The following ROR1 variants were observed in gnomAD, a reference collection of about 807,000 sequenced individuals.
ROR1 encodes the protein inactive tyrosine-protein kinase transmembrane receptor ROR1.
ROR1 carries 19 observed loss-of-function variants against 78.8 expected under a neutral mutation model. The observed-to-expected ratio is 0.24, with a 90% CI of 0.17 to 0.35. ROR1 has a LOEUF of 0.35. ROR1 is among the 10% of genes least tolerant of loss of function. ROR1 has a pLI of 1.00. For synonymous variants in ROR1, 386 were observed against 433.6 expected (o/e 0.89, Z 1.36); for missense variants, 917 against 1,177.8 (o/e 0.78, Z 3.24).
intron 1 of ROR1, among the ~76,000 whole-genome samples, chr1:63,957,786 A>T (rs1569973544): frequency 6.8e-6 from 1 of 146,116 alleles, no homozygotes; most frequent in South Asian, 2.1e-4. Context: ...CCTGTTGCCC[A>T]GGCTGGAGTG....
chr1:63,983,394 G>C (rs1646226006), intron 1 of ROR1, among the ~76,000 whole-genome samples: 1 of 152,200 alleles, frequency 6.6e-6, no homozygotes, highest in Non-Finnish European at 1.5e-5. Flanking sequence ...TAGTGTTTCA[G>C]CTGTGCCTAT....
chr1:64,026,287 C>T (rs1218511187), intron 2 of ROR1, among the ~76,000 whole-genome samples: 3 of 152,272 alleles, frequency 2.0e-5, no homozygotes, highest in Admixed American at 6.5e-5. Context: ...TACTTGATCA[C>T]TTTGAGCTAT....
chr1:63,791,950 T>C (rs752862900), intron 1 of ROR1, among the ~76,000 whole-genome samples: 7 of 152,132 alleles, frequency 4.6e-5, no homozygotes, highest in Non-Finnish European at 1.0e-4. Flanking sequence ...TCATTCTTGA[T>C]ACTGAGGGTA....
At chr1:63,966,062 T>C (rs1025119981) in intron 1 of ROR1, among the ~76,000 whole-genome samples, 1 of 152,224 alleles carries the variant, frequency 6.6e-6, no homozygotes, top group Non-Finnish European at 1.5e-5. Flanking sequence ...TTGGGTGTAG[T>C]GCCTGACACA....
Position 64,134,664 on chromosome 1 carries a change from T to A in ROR1, c.483-2705T>A, listed in dbSNP as rs112369939. Among the ~76,000 whole-genome samples the A allele has an allele frequency of 8.4e-3, 1,270 of 151,976 alleles. 10 individuals are homozygous for A. The highest frequency in any genetic ancestry group is 0.03 in the African/African-American group (1,223 of 41,424). ...TTTAAGCATAGATACCTAAGCCTCA[T>A]CCCCAGAGACTATGATTTAATAGGT... is the stretch of plus-strand genomic sequence containing the variant. On this transcript the variant is annotated intron_variant, in intron 4 of 8. Coordinates refer to ENST00000371079, the MANE Select transcript of ROR1 (RefSeq NM_005012.4).
intron 2 of ROR1, among the ~76,000 whole-genome samples, chr1:64,024,892 T>G (rs544909484): frequency 9.2e-5 from 14 of 152,246 alleles, no homozygotes; most frequent in Non-Finnish European, 1.8e-4. Context: ...GTAGCCAGTT[T>G]ATCTCTAACA....
chr1:63,860,727 C>G (rs1645175879), intron 1 of ROR1, among the ~76,000 whole-genome samples: 1 of 147,610 alleles, frequency 6.8e-6, no homozygotes, highest in Non-Finnish European at 1.5e-5. Context: ...AGAGATCGCA[C>G]CACTGCACTC....
intron 4 of ROR1, among the ~76,000 whole-genome samples, chr1:64,123,221 T>C (rs1239572480): frequency 6.6e-6 from 1 of 152,228 alleles, no homozygotes; most frequent in East Asian, 1.9e-4. Context: ...CCTCTATGTC[T>C]CTGCAAATAT....
intron 1 of ROR1, among the ~76,000 whole-genome samples, chr1:63,993,613 A>G (rs891499174): frequency 2.0e-5 from 3 of 152,360 alleles, no homozygotes; most frequent in African/African-American, 7.2e-5. Context: ...ATATTGTTGT[A>G]TACACACTAT....
chr1:63,794,435 A>C (rs966986320), intron 1 of ROR1, among the ~76,000 whole-genome samples: 6 of 152,172 alleles, frequency 3.9e-5, no homozygotes, highest in African/African-American at 1.4e-4. Context: ...TCAGTGCCTG[A>C]GTCTGGCATC....
At chr1:64,062,078 G>A (rs756435471) in intron 4 of ROR1, among the ~76,000 whole-genome samples, 29 of 152,288 alleles carry the variant, frequency 1.9e-4, no homozygotes, top group Non-Finnish European at 3.1e-4. Context: ...GATATTGTGC[G>A]CTCCTGGGTG....
At chr1:64,083,654 G>T (rs1199613993) in intron 4 of ROR1, among the ~76,000 whole-genome samples, 4 of 150,912 alleles carry the variant, frequency 2.7e-5, no homozygotes, top group African/African-American at 7.3e-5. Context: ...GAAGAGAAAA[G>T]CTACTGAGGC....
chr1:63,906,871 A>G (rs930653410), intron 1 of ROR1, among the ~76,000 whole-genome samples: 1 of 144,536 alleles, frequency 6.9e-6, no homozygotes, highest in Non-Finnish European at 1.5e-5. Flanking sequence ...TTTTTGTCAA[A>G]AGAAAAGTCC....
Position 64,140,378 on chromosome 1 carries a change from G to A in ROR1, c.880G>A (p.Ala294Thr), listed in dbSNP as rs760121416. ...CCCCCAGCCAGAGAGCCCAGAAGCT[G>A]CGAACTGTATCCGGATTGGAATTCC... ...DLPQPESPEA[A>T]NCIRIGIPMA... The change falls in exon 6 of 9, where the codon GCG becomes ACG. Residue 294 changes from alanine to threonine, a missense_variant. Physicochemically the swap from Ala to Thr is moderately conservative, Grantham distance 58. This residue lies in a region of ROR1 where 835 missense variants were observed against 1,069.8 expected (regional missense o/e 0.78). Coordinates refer to ENST00000371079, the MANE Select transcript of ROR1 (RefSeq NM_005012.4). The A allele has an allele frequency of 1.5e-5, 25 of 1,614,136 alleles. No homozygotes were observed. The highest frequency in any genetic ancestry group is 2.0e-5 in the Non-Finnish European group (24 of 1,180,010).
intron 1 of ROR1, among the ~76,000 whole-genome samples, chr1:63,985,177 A>C (rs1469801681): frequency 6.6e-6 from 1 of 152,082 alleles, no homozygotes; most frequent in East Asian, 1.9e-4. Flanking sequence ...TCCTGATCTC[A>C]ATTTGTTGTG....
intron 4 of ROR1, among the ~76,000 whole-genome samples, chr1:64,079,590 G>A (rs566940028): frequency 6.6e-6 from 1 of 151,826 alleles, no homozygotes; most frequent in South Asian, 2.1e-4. Context: ...TCCCACCTCA[G>A]CCTTCCAAGT....
At chr1:64,132,265 T>C (rs1419461923) in intron 4 of ROR1, among the ~76,000 whole-genome samples, 1 of 152,196 alleles carries the variant, frequency 6.6e-6, no homozygotes, top group Non-Finnish European at 1.5e-5. Flanking sequence ...ATATAGTCTA[T>C]TGTATGTATC....
At chr1:64,064,221 T>C (rs946124337) in intron 4 of ROR1, among the ~76,000 whole-genome samples, 1 of 151,904 alleles carries the variant, frequency 6.6e-6, no homozygotes, top group Admixed American at 6.6e-5. Context: ...GAGGGAAAAA[T>C]AGAAGGGGTA....
rs1648747141 is a variant in ROR1 at position 64,127,409 on chromosome 1, CTCTT to C, written c.483-9956_483-9953del. ...GCGTATAGTAAGCTTTCATCTCTCTCTCTTTCTCTGTCTCTCTCTGTCTCTCTCC... is the reference window on the plus strand; with the variant it reads ...GCGTATAGTAAGCTTTCATCTCTCTCTCTCTGTCTCTCTCTGTCTCTCTCC... On this transcript the variant is annotated intron_variant, in intron 4 of 8. Transcript: ENST00000371079. Among the ~76,000 whole-genome samples, 3 of 152,212 alleles carry C rather than the reference CTCTT, an allele frequency of 2.0e-5. No individual in the cohort carries two copies. In the South Asian group the frequency reaches 6.2e-4, roughly 32 times the overall value.
Sources: allele counts gnomAD v4.1 joint callset (sites outside exome capture counted in the v4.1 genomes callset), GRCh38; gene constraint gnomAD v4.1.1; regional missense constraint gnomAD v4.1.1; transcripts MANE v1.5; gene names NCBI Gene and HGNC (gene_info 2026-07-23, HGNC 2026-07-21).